Variants in PCDHGB6 observed in about 807,000 individuals in gnomAD.
PCDHGB6 encodes protocadherin gamma subfamily B, 6.
A neutral mutation model predicts 59.1 loss-of-function variants in PCDHGB6; 51 were observed. That is an observed-to-expected ratio of 0.86 (90% CI 0.69 to 1.09). PCDHGB6 has a LOEUF of 1.09. PCDHGB6 is among the 50% of genes least tolerant of loss of function. The pLI is 0.00. For missense variants in PCDHGB6, 1,148 were observed against 1,205.1 expected, an observed-to-expected ratio of 0.95 and a Z score of 0.70; for synonymous variants, 466 against 495.1, an observed-to-expected ratio of 0.94 and a Z score of 0.78.
intron 1 of PCDHGB6, among the ~76,000 whole-genome samples, chr5:141,434,491 C>CCCAGGGCAGAAAACTGCTTAA (rs1300377022): frequency 1.8e-4 from 27 of 152,302 alleles, no homozygotes; most frequent in Non-Finnish European, 3.4e-4. Context: ...ACCTGGCCCG[C>CCCAGGGCAGAAAACTGCTTAA]CCAGGGCAGA....
rs1307889557 is a variant in PCDHGB6, at chr5:141,486,267, C to G, written c.2419-8540C>G. On this transcript the variant is annotated intron_variant, in intron 1 of 3. Transcript: ENST00000520790. The surrounding 1 kb of genome is among the most constrained non-coding windows in gnomAD (Gnocchi z 5.0). ...GGAACCCTCCCCGAGAGTGCAGAAC[C>G]TGGCACTGTGGTGGCACTTATCAGT... 1 of 1,614,128 alleles carries G rather than the reference C, an allele frequency of 6.2e-7. No homozygotes were observed. Among genetic ancestry groups the G allele is most frequent in the South Asian group, 1.1e-5 (1 of 91,072 alleles).
In PCDHGB6 at chr5:141,432,476, A is replaced by C; in HGVS notation, c.2418+21856A>C. 6.2e-7 allele frequency: 1 copy of C among 1,614,080 alleles called. No homozygotes were observed. The highest frequency in any genetic ancestry group is 8.5e-7 in the Non-Finnish European group (1 of 1,180,012). Reference sequence around the variant, plus strand: ...CCCCGCCCTCCCCACGGACGGTTCCACTGGCGTGGAGCTGGCTCCCCGCTC... The same window carrying C: ...CCCCGCCCTCCCCACGGACGGTTCCCCTGGCGTGGAGCTGGCTCCCCGCTC... On this transcript the variant is annotated intron_variant, in intron 1 of 3. Transcript: ENST00000520790. The surrounding 1 kb of genome is among the most constrained non-coding windows in gnomAD (Gnocchi z 6.0).
chr5:141,465,043 T>C (rs1404714692), intron 1 of PCDHGB6, among the ~76,000 whole-genome samples: 2 of 152,030 alleles, frequency 1.3e-5, no homozygotes, highest in Non-Finnish European at 2.9e-5. Context: ...CAAATGACCC[T>C]ATATATTTTT....
chr5:141,458,340 G>C (rs4551132), intron 1 of PCDHGB6, among the ~76,000 whole-genome samples: 42,372 of 151,882 alleles, frequency 0.28, 6,646 homozygotes, highest in African/African-American at 0.43. Context: ...TTTAAGGAGT[G>C]GAGAGTTTAA....
Position 141,409,541 on chromosome 5 carries a change from G to T in PCDHGB6, c.1339G>T (p.Asp447Tyr). Residue 447 changes from aspartate to tyrosine, a missense_variant, in exon 1 of 4, where the codon GAC becomes TAC. Physicochemically the swap from Asp to Tyr is radical, Grantham distance 160. Around this residue, in one of 5 missense-constraint regions of PCDHGB6, gnomAD observed 549 missense variants for 527.5 expected, o/e 1.04. Coordinates refer to ENST00000520790, the MANE Select transcript of PCDHGB6 (RefSeq NM_018926.3). The part of the protein sequence containing the change: ...SITLYVADIN[D>Y]NAPVFDQTSY... The stretch of plus-strand genomic sequence containing the variant: ...CACCTTGTATGTCGCTGACATCAAC[G>T]ACAACGCCCCAGTTTTCGACCAGAC... 6.2e-7 allele frequency: 1 copy of T among 1,613,970 alleles called. No homozygotes were observed. The highest frequency in any genetic ancestry group is 8.5e-7 in the Non-Finnish European group (1 of 1,179,904).
chr5:141,422,211 CTT>C (rs1339862278), intron 1 of PCDHGB6: 1 of 1,563,166 alleles, frequency 6.4e-7, no homozygotes, highest in African/African-American at 1.4e-5. Context: ...GTGGAGGTCT[CTT>C]TACCACCACG....
In PCDHGB6 at chr5:141,434,786, T is replaced by A. The variant is rs867453805; in HGVS notation, c.2418+24166T>A. ...TTCACACTTCTAAAAAAAAAAAAAT[T>A]TTTTTTTCTGAGCTTGGAGAAATAT... On this transcript the variant is annotated intron_variant, in intron 1 of 3. Coordinates refer to ENST00000520790, the MANE Select transcript of PCDHGB6 (RefSeq NM_018926.3). 6.8e-4 allele frequency among the ~76,000 whole-genome samples: 102 copies of A among 150,682 alleles called. 1 individual carries two copies. The highest frequency in any genetic ancestry group is 1.8e-3 in the African/African-American group (72 of 40,898).
rs770623588 is a variant in PCDHGB6, at chr5:141,410,424, C to A, written c.2222C>A (p.Pro741His). ...LCVKSGPVVP[P>H]NYSEGTLPYS... ...GTCAAGTCTGGACCTGTAGTTCCCC[C>A]CAACTACAGTGAGGGGACTTTGCCT... is the stretch of plus-strand genomic sequence containing the variant. The change falls in exon 1 of 4, where the codon CCC (proline) becomes CAC (histidine). Residue 741 changes from proline to histidine, a missense_variant. Pro to His is a moderately conservative substitution (Grantham distance 77). Transcript: ENST00000520790. The A allele has an allele frequency of 1.1e-5, 17 of 1,613,852 alleles. No homozygotes were observed. In the East Asian group the frequency reaches 3.6e-4, roughly 34 times the overall value.
At position 141,485,305 on chromosome 5, in the gene PCDHGB6, T is replaced by C. The variant is rs1344645695; in HGVS notation, c.2419-9502T>C. The C allele has an allele frequency of 3.7e-6, 6 of 1,614,000 alleles. No individual in the cohort carries two copies. In the East Asian group the frequency reaches 1.3e-4, roughly 36 times the overall value. Reference sequence around the variant, plus strand: ...CAGAGGAGTCACAGGAAGGGACTTTTGTAGGGAATGTCGCTCAAGATTTCC... The same window carrying C: ...CAGAGGAGTCACAGGAAGGGACTTTCGTAGGGAATGTCGCTCAAGATTTCC... On this transcript the variant is annotated intron_variant, in intron 1 of 3. Coordinates refer to ENST00000520790, the MANE Select transcript of PCDHGB6 (RefSeq NM_018926.3). This position sits in a 1 kb window ranked among gnomAD's most constrained non-coding sequence, Gnocchi z 5.7.
At position 141,489,754 on chromosome 5, in the gene PCDHGB6, C is replaced by G; in HGVS notation, c.2419-5053C>G. 1 of 1,614,110 alleles carries G rather than the reference C, an allele frequency of 6.2e-7. No homozygotes were observed. The highest frequency in any genetic ancestry group is 8.5e-7 in the Non-Finnish European group (1 of 1,179,972). ...CACCAATACTGTGAGCTTTTACACT[C>G]TAAGCCCCAACAGCCACTTCTCTCT... On this transcript the variant is annotated intron_variant, in intron 1 of 3. Coordinates refer to ENST00000520790, the MANE Select transcript of PCDHGB6 (RefSeq NM_018926.3). The surrounding 1 kb of genome is among the most constrained non-coding windows in gnomAD (Gnocchi z 4.5).
intron 1 of PCDHGB6, chr5:141,421,412 A>T (rs375885183): frequency 4.3e-6 from 7 of 1,613,962 alleles, no homozygotes; most frequent in Non-Finnish European, 5.9e-6. Context: ...GAGCTGGCGA[A>T]GCGCGGAGTC....
Position 141,457,874 on chromosome 5 carries a change from G to A in PCDHGB6, c.2419-36933G>A, listed in dbSNP as rs1592531610. Among the ~76,000 whole-genome samples, 7 of 152,320 alleles carry A rather than the reference G, an allele frequency of 4.6e-5. No homozygotes were observed. In the South Asian group the frequency reaches 1.5e-3, roughly 32 times the overall value. On this transcript the variant is annotated intron_variant, in intron 1 of 3. Transcript: ENST00000520790. ...ACATTCTTCACTGACCACAGGTTAGGAACCCTGTGTGGGGACTGTGTAGAC... is the reference window on the plus strand; with the variant it reads ...ACATTCTTCACTGACCACAGGTTAGAAACCCTGTGTGGGGACTGTGTAGAC...
In PCDHGB6 at chr5:141,503,070, G is replaced by A. The variant is rs868143537; in HGVS notation, c.2478-2323G>A. 1.5e-4 allele frequency among the ~76,000 whole-genome samples: 23 copies of A among 151,614 alleles called. No individual in the cohort carries two copies. The Middle Eastern group carries it at 0.01, about 68-fold the overall frequency. On this transcript the variant is annotated intron_variant, in intron 2 of 3. Coordinates refer to ENST00000520790, the MANE Select transcript of PCDHGB6 (RefSeq NM_018926.3). ...GGGTTTCACCATGTTGGTCAGAATGGTCTCGATCTCCTGACCTCGTGGTCT... is the reference window on the plus strand; with the variant it reads ...GGGTTTCACCATGTTGGTCAGAATGATCTCGATCTCCTGACCTCGTGGTCT...
chr5:141,439,333 G>A (rs964224344), intron 1 of PCDHGB6, among the ~76,000 whole-genome samples: 1 of 152,154 alleles, frequency 6.6e-6, no homozygotes, highest in Non-Finnish European at 1.5e-5. Flanking sequence ...TGGAAAGAAA[G>A]ATTCTAAGCC....
intron 1 of PCDHGB6, chr5:141,424,442 T>C (rs2096821583): frequency 6.6e-6 from 1 of 152,244 alleles, no homozygotes; most frequent in South Asian, 2.1e-4. Context: ...AATTGAATTA[T>C]TGAACTGGTA....
In PCDHGB6 at chr5:141,421,238, G is replaced by C. The variant is rs920128735; in HGVS notation, c.2418+10618G>C. 3.1e-6 allele frequency: 5 copies of C among 1,597,422 alleles called. No individual in the cohort carries two copies. Among genetic ancestry groups the C allele is most frequent in the African/African-American group, 2.7e-5 (2 of 74,378 alleles). ...GGCTTAGAGCCTGCCATGGCGAATC[G>C]GCTACAGCGCGGGGACCGCAGTCGG... On this transcript the variant is annotated intron_variant, in intron 1 of 3. Transcript: ENST00000520790.
chr5:141,415,980 T>C, intron 1 of PCDHGB6: 1 of 348,656 alleles, frequency 2.9e-6, no homozygotes, highest in Non-Finnish European at 4.8e-6. Context: ...TAAGCAACCC[T>C]CTTGTTCTGA....
intron 1 of PCDHGB6, chr5:141,412,460 G>C (rs2095557510): frequency 1.3e-5 from 2 of 152,244 alleles, no homozygotes; most frequent in South Asian, 4.1e-4. Flanking sequence ...AACTATTCTA[G>C]AAGAGTACTT....
At chr5:141,422,058 A>G (rs1015726657) in intron 1 of PCDHGB6, 3 of 1,611,890 alleles carry the variant, frequency 1.9e-6, no homozygotes, top group African/African-American at 2.7e-5. Flanking sequence ...TCAACGGGGA[A>G]GTAATGTATT....
Sources: allele counts gnomAD v4.1 joint callset (sites outside exome capture counted in the v4.1 genomes callset), GRCh38; gene constraint gnomAD v4.1.1; regional missense constraint gnomAD v4.1.1; non-coding constraint Gnocchi (gnomAD v3.1); transcripts MANE v1.5; gene names NCBI Gene and HGNC (gene_info 2026-07-23, HGNC 2026-07-21).